GALNT13: variants seen among roughly 807,000 people sequenced by gnomAD.
GALNT13 encodes UDP-GalNAc:polypeptide N-acetylgalactosaminyltransferase 13.
Under a neutral mutation model 64.2 loss-of-function variants are expected in GALNT13, and 28 were observed. That is an observed-to-expected ratio of 0.44 (90% CI 0.32 to 0.60). The LOEUF (loss-of-function observed/expected upper bound fraction) is 0.60. Ranked by LOEUF, GALNT13 falls within the 20% of genes least tolerant of loss-of-function variation. The pLI, the probability that GALNT13 is intolerant of heterozygous loss-of-function variation, is 0.05. For missense variants in GALNT13, 577 were observed against 669.8 expected (o/e 0.86, Z 1.53); for synonymous variants, 214 against 224.6 (o/e 0.95, Z 0.42).
chr2:153,365,837 T>C, the GALNT13 span, among the ~76,000 whole-genome samples: 1 of 152,180 alleles, frequency 6.6e-6, no homozygotes, highest in South Asian at 2.1e-4. Flanking sequence ...AGTGTGGAGA[T>C]TCCTTAAGGA....
intron 4 of GALNT13, among the ~76,000 whole-genome samples, chr2:154,147,307 C>A (rs11685823): frequency 0.76 from 114,451 of 149,970 alleles, 44,045 homozygotes; most frequent in East Asian, 0.96. Context: ...AATGGAATGA[C>A]TATATACATA....
the GALNT13 span, among the ~76,000 whole-genome samples, chr2:153,481,056 T>C: frequency 6.6e-6 from 1 of 152,142 alleles, no homozygotes; most frequent in Admixed American, 6.5e-5. Context: ...GTGGGATCTT[T>C]TCTCTCAGGT....
the GALNT13 span, among the ~76,000 whole-genome samples, chr2:153,742,989 G>A: frequency 8.3e-6 from 1 of 120,204 alleles, no homozygotes; most frequent in Non-Finnish European, 1.8e-5. Context: ...GGAGAAGTGG[G>A]GGGGGAGAGA....
At chr2:154,217,103 T>A (rs1464760054) in intron 4 of GALNT13, among the ~76,000 whole-genome samples, 1 of 151,998 alleles carries the variant, frequency 6.6e-6, no homozygotes, top group African/African-American at 2.4e-5. Context: ...ATTTCTCTTT[T>A]TATTAAACTA....
At chr2:154,347,529 T>C (rs746826529) in intron 9 of GALNT13, among the ~76,000 whole-genome samples, 1 of 152,184 alleles carries the variant, frequency 6.6e-6, no homozygotes, top group African/African-American at 2.4e-5. Context: ...TCCATACCAA[T>C]ATGTCACCTA....
the GALNT13 span, among the ~76,000 whole-genome samples, chr2:153,463,805 G>T: frequency 1.3e-5 from 2 of 152,072 alleles, no homozygotes; most frequent in African/African-American, 4.8e-5. Context: ...AAGAGCATGC[G>T]CTGTAATAGT....
the GALNT13 span, among the ~76,000 whole-genome samples, chr2:153,666,048 A>T: frequency 6.6e-6 from 1 of 151,714 alleles, no homozygotes; most frequent in Non-Finnish European, 1.5e-5. Flanking sequence ...TGATCTGAAC[A>T]CCCCTCTATC....
intron 2 of GALNT13, among the ~76,000 whole-genome samples, chr2:153,943,873 G>A (rs977383804): frequency 6.6e-6 from 1 of 152,186 alleles, no homozygotes; most frequent in Non-Finnish European, 1.5e-5. Flanking sequence ...TAACAAATGA[G>A]GTTTAGCTTT....
chr2:153,220,918 A>C, the GALNT13 span, among the ~76,000 whole-genome samples: 1 of 152,208 alleles, frequency 6.6e-6, no homozygotes, highest in Non-Finnish European at 1.5e-5. Context: ...CTCACTTATA[A>C]GTAGGAGCTA....
At chr2:154,099,956 T>C (rs867285392) in intron 3 of GALNT13, among the ~76,000 whole-genome samples, 4 of 152,148 alleles carry the variant, frequency 2.6e-5, no homozygotes, top group Non-Finnish European at 5.9e-5. Flanking sequence ...GCACCATTAA[T>C]TGAGAAGGGA....
chr2:153,260,302 T>G, the GALNT13 span, among the ~76,000 whole-genome samples: 3 of 152,244 alleles, frequency 2.0e-5, no homozygotes, highest in African/African-American at 4.8e-5. Context: ...ATTTTATACC[T>G]TCACATGATT....
At chr2:153,679,659 T>A in the GALNT13 span, among the ~76,000 whole-genome samples, 2 of 151,890 alleles carry the variant, frequency 1.3e-5, no homozygotes, top group Non-Finnish European at 2.9e-5. Flanking sequence ...ATTAAAAATT[T>A]CTCCCACAAA....
intron 3 of GALNT13, among the ~76,000 whole-genome samples, chr2:154,028,905 A>G (rs1188806174): frequency 2.0e-5 from 3 of 152,054 alleles, no homozygotes; most frequent in Non-Finnish European, 4.4e-5. Context: ...CTTTTCATGG[A>G]GTCATCAGAG....
At chr2:153,109,262 G>C in the GALNT13 span, among the ~76,000 whole-genome samples, 1 of 152,136 alleles carries the variant, frequency 6.6e-6, no homozygotes, top group Non-Finnish European at 1.5e-5. Context: ...GCCAAAGGTT[G>C]AAACAAGTCT....
chr2:153,144,801 G>A, the GALNT13 span, among the ~76,000 whole-genome samples: 1 of 151,928 alleles, frequency 6.6e-6, no homozygotes, highest in East Asian at 2.0e-4. Context: ...GGGACTCAAA[G>A]TTACCAGTTT....
At chr2:154,266,564 C>A (rs1218539537) in intron 8 of GALNT13, among the ~76,000 whole-genome samples, 1 of 151,716 alleles carries the variant, frequency 6.6e-6, no homozygotes, top group African/African-American at 2.4e-5. Context: ...TGTGCAAGAC[C>A]TCTATGCTAA....
At chr2:153,187,161 TA>T in the GALNT13 span, among the ~76,000 whole-genome samples, 2 of 152,134 alleles carry the variant, frequency 1.3e-5, no homozygotes, top group Admixed American at 6.5e-5. Flanking sequence ...TTTTCAATAT[TA>T]AAAAAATAAT....
At chr2:153,671,871 T>C in the GALNT13 span, among the ~76,000 whole-genome samples, 6 of 151,204 alleles carry the variant, frequency 4.0e-5, no homozygotes, top group African/African-American at 1.2e-4. Flanking sequence ...ACCAAGAAAA[T>C]GGAAAGCAAA....
At chr2:153,309,757 T>C in the GALNT13 span, among the ~76,000 whole-genome samples, 2 of 152,056 alleles carry the variant, frequency 1.3e-5, no homozygotes, top group Non-Finnish European at 2.9e-5. Context: ...AAATTACATA[T>C]AGTATAATTT....
Sources: allele counts gnomAD v4.1 joint callset (sites outside exome capture counted in the v4.1 genomes callset), GRCh38; gene constraint gnomAD v4.1.1; transcripts MANE v1.5; gene names NCBI Gene and HGNC (gene_info 2026-07-23, HGNC 2026-07-21).